The following PRDM16 variants were observed in gnomAD, a reference collection of about 807,000 sequenced individuals.
PRDM16 encodes the protein histone-lysine N-methyltransferase PRDM16.
In PRDM16, 23 loss-of-function variants were observed where a neutral mutation model predicts 110.6. That is an observed-to-expected ratio of 0.21 (90% CI 0.15 to 0.29). The LOEUF (loss-of-function observed/expected upper bound fraction) is 0.29, where lower values mean the gene tolerates loss of function less well. Among genes scored for constraint, PRDM16 ranks in the 10% least tolerant of loss-of-function variants. PRDM16 has a pLI of 1.00. For missense variants in PRDM16, 1,615 were observed against 1,794.3 expected (o/e 0.90, Z 1.81); for synonymous variants, 799 against 781.8 (o/e 1.02, Z -0.37).
At chr1:3,211,895 T>A (rs891335478) in intron 2 of PRDM16, among the ~76,000 whole-genome samples, 1 of 152,124 alleles carries the variant, frequency 6.6e-6, no homozygotes, top group Admixed American at 6.5e-5. Flanking sequence ...CGGGTGTGTA[T>A]CCGCGGCTGC....
rs541790047 is a variant in PRDM16, at chr1:3,367,615, C to T, written c.439-17537C>T. Among the ~76,000 whole-genome samples, 7 of 152,170 alleles carry T rather than the reference C, an allele frequency of 4.6e-5. No homozygotes were observed. In the South Asian group the frequency reaches 8.3e-4, roughly 18 times the overall value. On this transcript the variant is annotated intron_variant, in intron 3 of 16. Coordinates refer to ENST00000270722, the MANE Select transcript of PRDM16 (RefSeq NM_022114.4). ...AGCGTCCATTGTCCAAAAACACGTG[C>T]GGTCCTGTGGTTCCCTAGGTTCACA...
chr1:3,125,506 G>A (rs962958060), intron 1 of PRDM16, among the ~76,000 whole-genome samples: 5 of 152,264 alleles, frequency 3.3e-5, no homozygotes, highest in African/African-American at 9.6e-5. Flanking sequence ...AGAGTCGCCG[G>A]CTCAGCGGGA....
At chr1:3,118,067 AT>A (rs1557460388) in intron 1 of PRDM16, among the ~76,000 whole-genome samples, 1 of 148,990 alleles carries the variant, frequency 6.7e-6, no homozygotes, top group African/African-American at 2.5e-5. Context: ...GTGTACATGC[AT>A]GTGTGTGTGC....
chr1:3,207,277 C>G (rs543649933), intron 2 of PRDM16: 1 of 152,248 alleles, frequency 6.6e-6, no homozygotes, highest in East Asian at 1.9e-4. Flanking sequence ...GAGCTCCCCA[C>G]GGCGCATACC....
At chr1:3,361,740 C>T (rs1007437864) in intron 3 of PRDM16, among the ~76,000 whole-genome samples, 2 of 148,608 alleles carry the variant, frequency 1.3e-5, no homozygotes, top group South Asian at 2.2e-4. Flanking sequence ...GACCCGGGAG[C>T]GAGGGCAGGT....
At chr1:3,219,779 G>A (rs1318809087) in intron 2 of PRDM16, among the ~76,000 whole-genome samples, 1 of 152,148 alleles carries the variant, frequency 6.6e-6, no homozygotes, top group Non-Finnish European at 1.5e-5. Context: ...CGCCTGCCCT[G>A]CTTCACCGAC....
chr1:3,167,589 C>G, intron 1 of PRDM16, among the ~76,000 whole-genome samples: 1 of 146,158 alleles, frequency 6.8e-6, no homozygotes, highest in Non-Finnish European at 1.5e-5. Context: ...CCTCCCACCC[C>G]ACCCCTGCCT....
rs575977312 is a variant in PRDM16, at chr1:3,280,784, G to A, written c.438+36647G>A. On this transcript the variant is annotated intron_variant, in intron 3 of 16. Coordinates refer to ENST00000270722, the MANE Select transcript of PRDM16 (RefSeq NM_022114.4). ...AAGTGAGAAGCAGGCTAGACTGGCC[G>A]TCCCGGGCCATACCCACCCTGTCTC... Among the ~76,000 whole-genome samples, 11 of 152,338 alleles carry A rather than the reference G, an allele frequency of 7.2e-5. No homozygotes were observed. In the South Asian group the frequency reaches 1.2e-3, roughly 17 times the overall value.
At chr1:3,412,887 C>G in intron 9 of PRDM16, 87 bp downstream of exon 9, 6 of 1,119,988 alleles carry the variant, frequency 5.4e-6, no homozygotes, top group South Asian at 2.0e-5. Context: ...GTGTCTCTTT[C>G]AAGCTCCTCC....
rs1363608524 is a variant in PRDM16 at position 3,083,807 on chromosome 1, T to C, written c.37+14511T>C. 3.9e-5 allele frequency among the ~76,000 whole-genome samples: 6 copies of C among 152,184 alleles called. No homozygotes were observed. The East Asian group carries it at 1.2e-3, about 29-fold the overall frequency. On this transcript the variant is annotated intron_variant, in intron 1 of 16. Transcript: ENST00000270722. Reference sequence around the variant, plus strand: ...CCGACTGCTGGGATTGTGTCTGTGTTGTCATTGAGGGGACACCCTTTGGAC... The same window carrying C: ...CCGACTGCTGGGATTGTGTCTGTGTCGTCATTGAGGGGACACCCTTTGGAC...
intron 1 of PRDM16, among the ~76,000 whole-genome samples, chr1:3,178,350 C>T (rs968241219): frequency 2.0e-5 from 3 of 152,166 alleles, no homozygotes; most frequent in East Asian, 1.9e-4. Flanking sequence ...CGCAGGCTTC[C>T]GTCTGCCTCC....
chr1:3,164,804 G>A (rs1048933173), intron 1 of PRDM16, among the ~76,000 whole-genome samples: 2 of 152,138 alleles, frequency 1.3e-5, no homozygotes, highest in Non-Finnish European at 2.9e-5. Context: ...TTGGGAAATG[G>A]AGGTCGCAGT....
At chr1:3,310,973 A>C (rs1641441427) in intron 3 of PRDM16, among the ~76,000 whole-genome samples, 1 of 151,570 alleles carries the variant, frequency 6.6e-6, no homozygotes. Context: ...GTGTGTAGGC[A>C]TGTGTGTGCG....
At chr1:3,227,390 C>T (rs1168029446) in intron 2 of PRDM16, among the ~76,000 whole-genome samples, 1 of 152,278 alleles carries the variant, frequency 6.6e-6, no homozygotes, top group Non-Finnish European at 1.5e-5. Context: ...TGCTGTTTTA[C>T]TCAGTGACCC....
chr1:3,317,986 A>G (rs1372359805), intron 3 of PRDM16, among the ~76,000 whole-genome samples: 1 of 152,206 alleles, frequency 6.6e-6, no homozygotes, highest in Non-Finnish European at 1.5e-5. Context: ...AAACCTCACA[A>G]TAAAGAAGGG....
At chr1:3,253,758 G>C (rs1639991882) in intron 3 of PRDM16, among the ~76,000 whole-genome samples, 1 of 152,026 alleles carries the variant, frequency 6.6e-6, no homozygotes, top group South Asian at 2.1e-4. Flanking sequence ...GGTATTTCTA[G>C]TTCTAGATCC....
rs1435120982 is a variant in PRDM16, at chr1:3,425,553, C to T, written c.2940-28C>T. 3.1e-6 allele frequency: 5 copies of T among 1,610,296 alleles called. No homozygotes were observed. In the Admixed American group the frequency reaches 6.7e-5, roughly 22 times the overall value. ...GCCTGCCATGCAGAGCCGGGGCCTG[C>T]ACTGAGGAGCGCGTGTGCCCCTTCC... On this transcript the variant is annotated intron_variant, in intron 12 of 16. Transcript: ENST00000270722. This position sits in a 1 kb window ranked among gnomAD's most constrained non-coding sequence, Gnocchi z 6.9.
At chr1:3,230,407 G>A (rs1348981623) in intron 2 of PRDM16, among the ~76,000 whole-genome samples, 2 of 152,166 alleles carry the variant, frequency 1.3e-5, no homozygotes, top group Non-Finnish European at 2.9e-5. Flanking sequence ...AGTTAGCGCC[G>A]GACTCACGGC....
intron 2 of PRDM16, among the ~76,000 whole-genome samples, chr1:3,197,088 G>A (rs1276612004): frequency 1.3e-5 from 2 of 152,158 alleles, no homozygotes; most frequent in Admixed American, 6.5e-5. Flanking sequence ...CCAGCCACGC[G>A]CCCCCGGGCA....
Sources: allele counts gnomAD v4.1 joint callset (sites outside exome capture counted in the v4.1 genomes callset), GRCh38; gene constraint gnomAD v4.1.1; non-coding constraint Gnocchi (gnomAD v3.1); transcripts MANE v1.5; gene names NCBI Gene and HGNC (gene_info 2026-07-23, HGNC 2026-07-21).